TSHZ2: variants seen among roughly 807,000 people sequenced by gnomAD.
TSHZ2 encodes the protein teashirt homolog 2.
TSHZ2 carries 21 observed loss-of-function variants against 74.4 expected under a neutral mutation model. The ratio of observed to expected loss-of-function variants is 0.28; its 90% confidence interval spans 0.20 to 0.41. The LOEUF is 0.41. Among genes scored for constraint, TSHZ2 ranks in the 10% least tolerant of loss-of-function variants. The pLI, the probability that TSHZ2 is intolerant of heterozygous loss-of-function variation, is 1.00. For synonymous variants in TSHZ2, 540 were observed against 515.3 expected (o/e 1.05, Z -0.65); for missense variants, 1,244 against 1,293.5 (o/e 0.96, Z 0.59).
intron 2 of TSHZ2, among the ~76,000 whole-genome samples, chr20:53,401,532 A>G (rs1037001360): frequency 1.5e-5 from 2 of 134,634 alleles, no homozygotes; most frequent in Non-Finnish European, 3.1e-5. Context: ...GTGGTTCCTT[A>G]CCCCTCACTC....
chr20:53,349,833 A>G (rs1980580324), intron 2 of TSHZ2, among the ~76,000 whole-genome samples: 1 of 152,222 alleles, frequency 6.6e-6, no homozygotes, highest in African/African-American at 2.4e-5. Context: ...GGCTTAAAAG[A>G]AAACAAATTC....
At chr20:53,451,308 T>A (rs1456112724) in intron 2 of TSHZ2, among the ~76,000 whole-genome samples, 2 of 152,244 alleles carry the variant, frequency 1.3e-5, no homozygotes, top group Admixed American at 1.3e-4. Context: ...CACTCATATT[T>A]TTATAAATTA....
chr20:53,054,266 G>C (rs1015410019), intron 1 of TSHZ2, among the ~76,000 whole-genome samples: 1 of 152,156 alleles, frequency 6.6e-6, no homozygotes, highest in Non-Finnish European at 1.5e-5. Flanking sequence ...CATCAGCATG[G>C]TGTAAGAATT....
Position 53,148,647 on chromosome 20 carries a change from T to A in TSHZ2, c.41-104852T>A, listed in dbSNP as rs190609880. 5.6e-3 allele frequency among the ~76,000 whole-genome samples: 855 copies of A among 152,206 alleles called. 4 individuals carry two copies. The highest frequency in any genetic ancestry group is 0.02 in the Middle Eastern group (6 of 294). ...TTTTGCATTCAATATGTATGGATCA[T>A]GGGGTGGGGGTTGATACAAAATAGA... is the stretch of plus-strand genomic sequence containing the variant. On this transcript the variant is annotated intron_variant, in intron 1 of 2. Coordinates refer to ENST00000371497, the MANE Select transcript of TSHZ2 (RefSeq NM_173485.6).
At chr20:53,091,619 T>C (rs573717654) in intron 1 of TSHZ2, among the ~76,000 whole-genome samples, 85 of 152,358 alleles carry the variant, frequency 5.6e-4, no homozygotes, top group African/African-American at 2.0e-3. Context: ...TTTTTGAAGA[T>C]GCAAAAGTAT....
chr20:53,129,767 C>T (rs1166273644), intron 1 of TSHZ2, among the ~76,000 whole-genome samples: 2 of 152,102 alleles, frequency 1.3e-5, no homozygotes, highest in Non-Finnish European at 2.9e-5. Flanking sequence ...TTCTCCCCTC[C>T]CGTGCCTTGC....
intron 1 of TSHZ2, among the ~76,000 whole-genome samples, chr20:53,219,654 G>A (rs1183008183): frequency 6.6e-6 from 1 of 152,044 alleles, no homozygotes; most frequent in Admixed American, 6.6e-5. Flanking sequence ...ATTTGTGTGG[G>A]CAAAGTAACC....
In TSHZ2 at chr20:52,976,227, C is replaced by T. The variant is rs564282214; in HGVS notation, c.40+2894C>T. On this transcript the variant is annotated intron_variant, in intron 1 of 2. Transcript: ENST00000371497. The stretch of plus-strand genomic sequence containing the variant: ...TTAGTCTTTATTTGTTATGTTCCTC[C>T]CCCTTCAGGGGGAAGGGATGTGAGG... Among the ~76,000 whole-genome samples, 11 of 152,246 alleles carry T rather than the reference C, an allele frequency of 7.2e-5. No individual in the cohort carries two copies. In the East Asian group the frequency reaches 2.1e-3, roughly 29 times the overall value.
intron 2 of TSHZ2, among the ~76,000 whole-genome samples, chr20:53,370,489 T>C (rs564756305): frequency 1.3e-5 from 2 of 152,314 alleles, no homozygotes; most frequent in Admixed American, 6.5e-5. Flanking sequence ...GGCCAGGCAT[T>C]GTGGCTCACA....
intron 1 of TSHZ2, among the ~76,000 whole-genome samples, chr20:53,149,096 T>A (rs1987613827): frequency 6.6e-6 from 1 of 152,198 alleles, no homozygotes; most frequent in Non-Finnish European, 1.5e-5. Context: ...AAGCTGAAAC[T>A]TTTTCTGTCT....
At chr20:53,129,832 AT>A (rs73625472) in intron 1 of TSHZ2, among the ~76,000 whole-genome samples, 29,131 of 151,414 alleles carry the variant, frequency 0.19, 3,354 homozygotes, top group Non-Finnish European at 0.26. Context: ...GGCTCCTGGC[AT>A]CCTTCTGCTT....
At chr20:53,471,803 C>CT (rs58027394) in intron 2 of TSHZ2, among the ~76,000 whole-genome samples, 42 of 87,242 alleles carry the variant, frequency 4.8e-4, no homozygotes, top group Middle Eastern at 5.7e-3. Context: ...CTTTTCTTTT[C>CT]TTTTTTTTTT....
At chr20:53,236,944 C>A (rs961743638) in intron 1 of TSHZ2, among the ~76,000 whole-genome samples, 4 of 152,196 alleles carry the variant, frequency 2.6e-5, no homozygotes, top group African/African-American at 4.8e-5. Flanking sequence ...CAAGGTCCCA[C>A]CCCTAACACG....
chr20:53,195,457 C>G (rs1988840546), intron 1 of TSHZ2, among the ~76,000 whole-genome samples: 1 of 152,112 alleles, frequency 6.6e-6, no homozygotes, highest in Non-Finnish European at 1.5e-5. Context: ...AAAATATGAA[C>G]GTTCATCATC....
At chr20:53,058,676 G>A (rs1166108348) in intron 1 of TSHZ2, among the ~76,000 whole-genome samples, 7 of 152,184 alleles carry the variant, frequency 4.6e-5, no homozygotes, top group South Asian at 2.1e-4. Context: ...GCTCAACCAA[G>A]GTTTGTGGAA....
chr20:53,339,858 G>T (rs1980109647), intron 2 of TSHZ2, among the ~76,000 whole-genome samples: 1 of 152,142 alleles, frequency 6.6e-6, no homozygotes, highest in African/African-American at 2.4e-5. Flanking sequence ...TTTAGGATTT[G>T]TATCATCTCC....
chr20:53,420,207 G>A (rs887344464), intron 2 of TSHZ2, among the ~76,000 whole-genome samples: 2 of 152,224 alleles, frequency 1.3e-5, no homozygotes, highest in African/African-American at 4.8e-5. Flanking sequence ...TGGGAAAACA[G>A]GGAAGGCCAG....
chr20:53,449,714 G>A (rs1408024399), intron 2 of TSHZ2, among the ~76,000 whole-genome samples: 1 of 118,114 alleles, frequency 8.5e-6, no homozygotes, highest in South Asian at 3.1e-4. Context: ...GCTTAGCTCA[G>A]CCTCCATCAG....
rs532042703 is a variant in TSHZ2, at chr20:53,224,586, A to G, written c.41-28913A>G. ...GAAATGAGGCTGGGTGCGGTGACTCATGCCTGTAATCCCAGCACTTTGGGA... is the reference window on the plus strand; with the variant it reads ...GAAATGAGGCTGGGTGCGGTGACTCGTGCCTGTAATCCCAGCACTTTGGGA... On this transcript the variant is annotated intron_variant, in intron 1 of 2. Coordinates refer to ENST00000371497, the MANE Select transcript of TSHZ2 (RefSeq NM_173485.6). Among the ~76,000 whole-genome samples, 150 of 152,310 alleles carry G rather than the reference A, an allele frequency of 9.8e-4. 1 individual carries two copies. Among genetic ancestry groups the G allele is most frequent in the Non-Finnish European group, 1.9e-3 (128 of 68,028 alleles).
Sources: gnomAD v4.1 joint callset for allele counts (sites outside exome capture counted in the v4.1 genomes callset) on GRCh38, gnomAD v4.1.1 for gene constraint, MANE v1.5 for transcripts, NCBI Gene and HGNC (gene_info 2026-07-23, HGNC 2026-07-21) for gene names.